FBXL5: variants seen among roughly 807,000 people sequenced by gnomAD.
FBXL5 encodes F-box/LRR-repeat protein 5.
FBXL5 carries 26 observed loss-of-function variants against 78.3 expected under a neutral mutation model. The observed-to-expected ratio is 0.33, with a 90% CI of 0.24 to 0.46. The LOEUF is 0.46. Ranked by LOEUF, FBXL5 falls within the 20% of genes least tolerant of loss-of-function variation. FBXL5 has a pLI of 1.00. For missense variants in FBXL5, 710 were observed against 829.2 expected, an observed-to-expected ratio of 0.86 and a Z score of 1.77; for synonymous variants, 295 against 282.5, an observed-to-expected ratio of 1.04 and a Z score of -0.45.
upstream of FBXL5, among the ~76,000 whole-genome samples, chr4:15,657,889 G>A (rs1286208789): frequency 6.6e-6 from 1 of 152,066 alleles, no homozygotes; most frequent in Non-Finnish European, 1.5e-5. Context: ...AGACCTTTTT[G>A]GATGTATGAC....
chr4:15,640,344 C>A, intron 3 of FBXL5, among the ~76,000 whole-genome samples: 1 of 123,798 alleles, frequency 8.1e-6, no homozygotes. Context: ...CATGCCCAGC[C>A]AAGACTAATA....
Position 15,612,299 on chromosome 4 carries a change from C to T in FBXL5, c.1966G>A (p.Asp656Asn), listed in dbSNP as rs1377133801. 1 of 1,610,250 alleles carries T rather than the reference C, an allele frequency of 6.2e-7. No individual in the cohort carries two copies. Among genetic ancestry groups the T allele is most frequent in the Non-Finnish European group, 8.5e-7 (1 of 1,178,560 alleles). The change falls in exon 10 of 11, where the codon GAT (aspartate) becomes AAT (asparagine). Residue 656 changes from aspartate to asparagine, a missense_variant. Coordinates refer to ENST00000341285, the MANE Select transcript of FBXL5 (RefSeq NM_012161.4). ...DLVSACPSLN[D>N]EYFYYCDNIN... ...TTGTCACAGTAGTAAAAGTATTCAT[C>T]ATTCAGAGAAGGACATGCTGAAACC...
chr4:15,619,330 G>C (rs1241637422), intron 9 of FBXL5, among the ~76,000 whole-genome samples: 2 of 152,088 alleles, frequency 1.3e-5, no homozygotes, highest in Non-Finnish European at 2.9e-5. Context: ...GAGTTCAGTA[G>C]CATATTAAAA....
chr4:15,658,768 C>G (rs1717149836), upstream of FBXL5, among the ~76,000 whole-genome samples: 1 of 152,150 alleles, frequency 6.6e-6, no homozygotes, highest in Non-Finnish European at 1.5e-5. Context: ...CAGGCACATA[C>G]AGGATGATGT....
At chr4:15,646,241 C>G (rs1249974145) in intron 1 of FBXL5, among the ~76,000 whole-genome samples, 1 of 152,046 alleles carries the variant, frequency 6.6e-6, no homozygotes, top group Non-Finnish European at 1.5e-5. Flanking sequence ...TATAATTTTT[C>G]ACATGTCACA....
At position 15,650,788 on chromosome 4, in the gene FBXL5, A is replaced by G. The variant is rs185419692; in HGVS notation, c.84+4416T>C. 2.2e-3 allele frequency among the ~76,000 whole-genome samples: 320 copies of G among 147,854 alleles called. 2 individuals carry two copies. The highest frequency in any genetic ancestry group is 7.6e-3 in the African/African-American group (304 of 39,816). On this transcript the variant is annotated intron_variant, in intron 1 of 10. Coordinates refer to ENST00000341285, the MANE Select transcript of FBXL5 (RefSeq NM_012161.4). ...GCTGGGATTACAGGACCCCGCCACC[A>G]TGCCCAGCTAATTTTTGTATTTTTA...
chr4:15,628,628 A>G (rs1254484784), intron 6 of FBXL5, among the ~76,000 whole-genome samples: 1 of 152,174 alleles, frequency 6.6e-6, no homozygotes, highest in Non-Finnish European at 1.5e-5. Context: ...CTTTAAACAT[A>G]AAATGATTTA....
intron 1 of FBXL5, among the ~76,000 whole-genome samples, chr4:15,669,532 C>CA (rs887746865): frequency 4.5e-4 from 67 of 149,060 alleles, no homozygotes; most frequent in Admixed American, 9.3e-4. Context: ...GACCTTGTCT[C>CA]AAAAAAAAAT....
intron 2 of FBXL5, among the ~76,000 whole-genome samples, chr4:15,641,958 A>G (rs1320703647): frequency 3.9e-5 from 6 of 151,986 alleles, no homozygotes; most frequent in Admixed American, 2.0e-4. Flanking sequence ...AACCTGGAAG[A>G]AGGAGGTTGC....
At chr4:15,608,285 C>A (rs145495624) in intron 10 of FBXL5, among the ~76,000 whole-genome samples, 2 of 152,008 alleles carry the variant, frequency 1.3e-5, no homozygotes, top group East Asian at 3.9e-4. Flanking sequence ...GCAAACAGAT[C>A]AAAAAAGCTA....
intron 2 of FBXL5, chr4:15,641,672 T>C: frequency 4.5e-6 from 2 of 447,476 alleles, no homozygotes; most frequent in Non-Finnish European, 8.9e-6. Flanking sequence ...ACGTGGATTT[T>C]CAACAGCACA....
intron 9 of FBXL5, among the ~76,000 whole-genome samples, chr4:15,625,025 G>A (rs1264136386): frequency 6.6e-6 from 1 of 152,076 alleles, no homozygotes; most frequent in Non-Finnish European, 1.5e-5. Context: ...TTAAACTTTA[G>A]AATTTATGTT....
At chr4:15,606,803 T>C (rs1721916749) in intron 10 of FBXL5, among the ~76,000 whole-genome samples, 1 of 152,308 alleles carries the variant, frequency 6.6e-6, no homozygotes, top group South Asian at 2.1e-4. Context: ...AAATGGATTG[T>C]AACTGAAAAA....
At position 15,630,762 on chromosome 4, in the gene FBXL5, G is replaced by T; in HGVS notation, c.796C>A (p.Leu266Ile). The change falls in exon 6 of 11, where the codon CTT becomes ATT. Residue 266 changes from leucine to isoleucine, a missense_variant. By Grantham distance (5) the Leu-to-Ile change is conservative (BLOSUM62 2). Transcript: ENST00000341285. ...CATTCATCATCAGGTTCAGTATCAAGTTCAGTTGCGGGACCACTATACCAG... is the reference window on the plus strand; with the variant it reads ...CATTCATCATCAGGTTCAGTATCAATTTCAGTTGCGGGACCACTATACCAG... ...GDWYSGPATE[L>I]DTEPDDEWVK... is the part of the protein sequence containing the mutation. 2 of 1,612,990 alleles carry T rather than the reference G, an allele frequency of 1.2e-6. No homozygotes were observed. Among genetic ancestry groups the T allele is most frequent in the Non-Finnish European group, 1.7e-6 (2 of 1,179,634 alleles).
rs563204468 is a variant in FBXL5 at position 15,604,615 on chromosome 4, T to TA, written c.*1107dup. On this transcript the variant is annotated 3_prime_UTR_variant, in exon 11 of 11. Coordinates refer to ENST00000341285, the MANE Select transcript of FBXL5 (RefSeq NM_012161.4). ...AGAGTTGCCATAAACCTTCCATTTG[T>TA]AAAAAATGCATTATTTGCAAAGTGC... The TA allele has an allele frequency of 6.6e-6, 1 of 151,838 alleles. No homozygotes were observed. The highest frequency in any genetic ancestry group is 6.6e-5 in the Admixed American group (1 of 15,238). The allele number at this position is 151,838 out of a possible 1,614,324, so 9.4% of individuals were successfully genotyped here. A position where few individuals can be genotyped will look rare whatever the true frequency, so the allele number is the denominator to read the frequency against.
rs77243042 is a variant in FBXL5 at position 15,672,504 on chromosome 4, T to C, written c.-284+8879A>G. Among the ~76,000 whole-genome samples, 76 of 152,334 alleles carry C rather than the reference T, an allele frequency of 5.0e-4. No homozygotes were observed. The East Asian group carries it at 7.9e-3, about 16-fold the overall frequency. ...AAACCTGTACAGCATTCAGTTACTG[T>C]ACTGAATTTGTCACACAATGGTATT... On this transcript the variant is annotated intron_variant, in intron 1 of 4. Coordinates refer to the FBXL5 transcript ENST00000507899.
chr4:15,648,537 T>A (rs879303679), intron 1 of FBXL5, among the ~76,000 whole-genome samples: 4 of 152,214 alleles, frequency 2.6e-5, no homozygotes, highest in African/African-American at 4.8e-5. Flanking sequence ...AAAATATTAT[T>A]CAGTCATAAA....
At position 15,666,315 on chromosome 4, in the gene FBXL5, C is replaced by T. The variant is rs1717543390; in HGVS notation, c.-283-6393G>A. On this transcript the variant is annotated intron_variant, in intron 1 of 4. Transcript: ENST00000507899. ...TCAGGAGGCTGAGGTGGGAAGATTG[C>T]TTGAGCCCAGGATGGTCCAGCCTGC... 2.6e-5 allele frequency among the ~76,000 whole-genome samples: 4 copies of T among 151,930 alleles called. No individual in the cohort carries two copies. The South Asian group carries it at 8.3e-4, about 31-fold the overall frequency.
chr4:15,666,535 T>C (rs975694143), intron 1 of FBXL5, among the ~76,000 whole-genome samples: 1 of 150,636 alleles, frequency 6.6e-6, no homozygotes, highest in Non-Finnish European at 1.5e-5. Context: ...GATCAAAGCA[T>C]GCAAAGTGTC....
Sources: allele counts gnomAD v4.1 joint callset (sites outside exome capture counted in the v4.1 genomes callset), GRCh38; gene constraint gnomAD v4.1.1; transcripts MANE v1.5; gene names NCBI Gene and HGNC (gene_info 2026-07-23, HGNC 2026-07-21).